The following ZNF385D variants were observed in gnomAD, a reference collection of about 807,000 sequenced individuals.
ZNF385D encodes zinc finger protein 659.
Under a neutral mutation model 35.8 loss-of-function variants are expected in ZNF385D, and 15 were observed. The observed-to-expected ratio is 0.42, with a 90% CI of 0.28 to 0.64. ZNF385D has a LOEUF of 0.64. Among genes scored for constraint, ZNF385D ranks in the 30% least tolerant of loss-of-function variants. ZNF385D has a pLI of 0.23. For synonymous variants in ZNF385D, 212 were observed against 186.8 expected, an observed-to-expected ratio of 1.13 and a Z score of -1.10; for missense variants, 474 against 494.6, an observed-to-expected ratio of 0.96 and a Z score of 0.39.
chr3:22,290,417 C>G (rs1360599197), intron 2 of ZNF385D, among the ~76,000 whole-genome samples: 1 of 152,120 alleles, frequency 6.6e-6, no homozygotes, highest in African/African-American at 2.4e-5. Flanking sequence ...CTTTTCCTCT[C>G]ATTGAGAAAT....
intron 2 of ZNF385D, among the ~76,000 whole-genome samples, chr3:22,346,885 A>G (rs1476390482): frequency 6.6e-6 from 1 of 152,188 alleles, no homozygotes; most frequent in African/African-American, 2.4e-5. Context: ...ACACTACACT[A>G]TCATAATGGC....
At chr3:21,795,880 C>A (rs1179282175) in intron 3 of ZNF385D, among the ~76,000 whole-genome samples, 2 of 152,094 alleles carry the variant, frequency 1.3e-5, no homozygotes, top group African/African-American at 2.4e-5. Context: ...TTTTAACAAA[C>A]AAAAGAATAT....
intron 3 of ZNF385D, among the ~76,000 whole-genome samples, chr3:21,813,358 G>C (rs1232978234): frequency 1.3e-5 from 2 of 152,226 alleles, no homozygotes; most frequent in Admixed American, 6.5e-5. Context: ...ACTTTGACGA[G>C]TTGACAGAAG....
At chr3:22,311,428 T>C (rs527856915) in intron 2 of ZNF385D, among the ~76,000 whole-genome samples, 20 of 152,172 alleles carry the variant, frequency 1.3e-4, no homozygotes, top group African/African-American at 4.3e-4. Context: ...TGTGGTTTCA[T>C]AGTGTGTTTT....
chr3:21,799,660 T>G (rs955831243), intron 3 of ZNF385D, among the ~76,000 whole-genome samples: 1 of 152,168 alleles, frequency 6.6e-6, no homozygotes, highest in Admixed American at 6.6e-5. Context: ...CTTTTCATAT[T>G]CTGAGTATTA....
At chr3:22,240,194 A>AG in intron 2 of ZNF385D, among the ~76,000 whole-genome samples, 1 of 120,730 alleles carries the variant, frequency 8.3e-6, no homozygotes, top group Non-Finnish European at 1.6e-5. Context: ...AAAAAAAAAA[A>AG]AAAAAAAAAG....
intron 3 of ZNF385D, among the ~76,000 whole-genome samples, chr3:22,106,812 A>G (rs1702238042): frequency 6.6e-6 from 1 of 152,128 alleles, no homozygotes; most frequent in Non-Finnish European, 1.5e-5. Flanking sequence ...ATCTTGGATC[A>G]GTATCAGCAT....
At chr3:21,825,286 AT>A (rs1219305226) in intron 3 of ZNF385D, among the ~76,000 whole-genome samples, 1 of 152,164 alleles carries the variant, frequency 6.6e-6, no homozygotes. Context: ...CATCTAACTC[AT>A]GTATCACTTG....
intron 3 of ZNF385D, among the ~76,000 whole-genome samples, chr3:21,766,422 CTT>C (rs2070832720): frequency 6.6e-6 from 1 of 152,064 alleles, no homozygotes; most frequent in Non-Finnish European, 1.5e-5. Context: ...GAAATGATGA[CTT>C]TGGTTCATGT....
intron 2 of ZNF385D, among the ~76,000 whole-genome samples, chr3:22,353,260 G>C (rs1428941092): frequency 6.6e-6 from 1 of 152,232 alleles, no homozygotes; most frequent in East Asian, 1.9e-4. Flanking sequence ...TCACTCATCT[G>C]TGCCATGCCA....
intron 3 of ZNF385D, among the ~76,000 whole-genome samples, chr3:21,982,886 A>G (rs1694563330): frequency 6.6e-6 from 1 of 151,980 alleles, no homozygotes; most frequent in Non-Finnish European, 1.5e-5. Context: ...TTTGTGATGA[A>G]TCACATTTAT....
At chr3:22,089,738 T>G (rs2695640) in intron 3 of ZNF385D, among the ~76,000 whole-genome samples, 1 of 152,150 alleles carries the variant, frequency 6.6e-6, no homozygotes, top group African/African-American at 2.4e-5. Context: ...CAAAGGGTAA[T>G]AGTTGTTTCC....
At chr3:21,891,720 G>A (rs1376104025) in intron 3 of ZNF385D, among the ~76,000 whole-genome samples, 1 of 152,080 alleles carries the variant, frequency 6.6e-6, no homozygotes, top group Non-Finnish European at 1.5e-5. Context: ...AGGCCTTGAC[G>A]TTTTCTAACA....
At chr3:22,082,696 C>T (rs529010348) in intron 3 of ZNF385D, among the ~76,000 whole-genome samples, 44 of 152,294 alleles carry the variant, frequency 2.9e-4, no homozygotes, top group South Asian at 8.3e-4. Context: ...CTGAAGAGAG[C>T]AGTGGTTCTC....
At chr3:22,111,165 T>C (rs1220851005) in intron 3 of ZNF385D, among the ~76,000 whole-genome samples, 1 of 92,098 alleles carries the variant, frequency 1.1e-5, no homozygotes, top group South Asian at 3.4e-4. Context: ...TTTTTTTTTT[T>C]TTTTTTTTTT....
intron 3 of ZNF385D, among the ~76,000 whole-genome samples, chr3:21,881,380 T>C (rs574954115): frequency 1.3e-5 from 2 of 152,118 alleles, no homozygotes; most frequent in Admixed American, 6.6e-5. Flanking sequence ...ATGCTAAATC[T>C]ACTCCACCTG....
At chr3:22,034,074 A>T (rs1319891413) in intron 3 of ZNF385D, among the ~76,000 whole-genome samples, 1 of 152,158 alleles carries the variant, frequency 6.6e-6, no homozygotes, top group Non-Finnish European at 1.5e-5. Flanking sequence ...TCTTATCAGG[A>T]TAGTACATTA....
At chr3:21,686,861 T>C (rs2067121435) in intron 1 of ZNF385D, among the ~76,000 whole-genome samples, 1 of 152,230 alleles carries the variant, frequency 6.6e-6, no homozygotes, top group African/African-American at 2.4e-5. Context: ...ATCTTACCTT[T>C]ATATTTCTGG....
intron 2 of ZNF385D, among the ~76,000 whole-genome samples, chr3:22,279,106 C>T (rs925932096): frequency 6.6e-6 from 1 of 151,938 alleles, no homozygotes; most frequent in African/African-American, 2.4e-5. Context: ...CAATTGTGTT[C>T]CTTTTTTGTT....
Sources: allele counts gnomAD v4.1 joint callset (sites outside exome capture counted in the v4.1 genomes callset), GRCh38; gene constraint gnomAD v4.1.1; transcripts MANE v1.5; gene names NCBI Gene and HGNC (gene_info 2026-07-23, HGNC 2026-07-21).